Variants in STAC observed in about 807,000 individuals in gnomAD.
The protein encoded by STAC is SH3 and cysteine rich domain.
A neutral mutation model predicts 48.8 loss-of-function variants in STAC; 43 were observed. The ratio of observed to expected loss-of-function variants is 0.88; its 90% CI spans 0.69 to 1.14. STAC has a LOEUF of 1.14. STAC is among the 50% of genes most tolerant of loss of function. The pLI is 0.00. For missense variants in STAC, 497 were observed against 504.0 expected (o/e 0.99, Z 0.13); for synonymous variants, 193 against 179.5 (o/e 1.07, Z -0.60).
chr3:36,420,658 C>G (rs1559484646), intron 1 of STAC, among the ~76,000 whole-genome samples: 1 of 152,196 alleles, frequency 6.6e-6, no homozygotes, highest in South Asian at 2.1e-4. Context: ...AACCATCCCC[C>G]CTCTACCTCA....
intron 1 of STAC, chr3:36,409,515 G>A (rs566692270): frequency 1.8e-4 from 27 of 152,158 alleles, no homozygotes; most frequent in South Asian, 4.1e-4. Flanking sequence ...TATGGATGAC[G>A]TGAACTGAGT....
chr3:36,427,135 G>A (rs1173440975), intron 1 of STAC, among the ~76,000 whole-genome samples: 1 of 152,112 alleles, frequency 6.6e-6, no homozygotes, highest in Non-Finnish European at 1.5e-5. Context: ...AAGTCCACAG[G>A]GAATTTTGCA....
At chr3:36,470,781 TC>T (rs1697311371) in intron 2 of STAC, among the ~76,000 whole-genome samples, 1 of 152,226 alleles carries the variant, frequency 6.6e-6, no homozygotes, top group Non-Finnish European at 1.5e-5. Context: ...CTTCAAAATC[TC>T]CCATTTTAAA....
Position 36,443,564 on chromosome 3 carries a change from T to C in STAC, c.312T>C (p.Gly104=). The change falls in exon 2 of 11, where the codon GGT becomes GGC. Residue 104 remains glycine, a synonymous_variant. Transcript: ENST00000273183. The surrounding 1 kb of genome is among the most constrained non-coding windows in gnomAD (Gnocchi z 4.2). ...STPARAGLHP[G]GKAHAFQEYI... ...CCGCCAGGGCTGGTCTGCATCCAGG[T>C]GGCAAGGCTCATGCCTTTCAGGAAT... The C allele has an allele frequency of 6.2e-7, 1 of 1,614,158 alleles. No homozygotes were observed. Among genetic ancestry groups the C allele is most frequent in the Non-Finnish European group, 8.5e-7 (1 of 1,180,020 alleles).
At chr3:36,470,916 G>A (rs534089953) in intron 2 of STAC, among the ~76,000 whole-genome samples, 1 of 152,156 alleles carries the variant, frequency 6.6e-6, no homozygotes, top group Non-Finnish European at 1.5e-5. Context: ...CTACTTTTAT[G>A]TTTAAAGTGA....
Position 36,443,258 on chromosome 3 carries a change from G to C in STAC, c.112-106G>C, listed in dbSNP as rs917385262. On this transcript the variant is annotated intron_variant, in intron 1 of 10. Transcript: ENST00000273183. This position sits in a 1 kb window ranked among gnomAD's most constrained non-coding sequence, Gnocchi z 4.2. Reference sequence around the variant, plus strand: ...ATTTATGAGCCTCCTCAAGACGGAGGGTGTCAGTGGGGACTGTGTAGTGCA... The same window carrying C: ...ATTTATGAGCCTCCTCAAGACGGAGCGTGTCAGTGGGGACTGTGTAGTGCA... 7.6e-7 allele frequency: 1 copy of C among 1,318,532 alleles called. No homozygotes were observed. Among genetic ancestry groups the C allele is most frequent in the Non-Finnish European group, 1.1e-6 (1 of 950,744 alleles). The allele number at this position is 1,318,532 out of a possible 1,614,324, so 81.7% of individuals were successfully genotyped here.
intron 1 of STAC, among the ~76,000 whole-genome samples, chr3:36,388,954 A>C (rs1699681596): frequency 6.6e-6 from 1 of 152,192 alleles, no homozygotes; most frequent in Non-Finnish European, 1.5e-5. Flanking sequence ...TTTTATATTT[A>C]TCTGCACTCA....
intron 1 of STAC, among the ~76,000 whole-genome samples, chr3:36,383,663 A>G (rs1228955968): frequency 6.6e-6 from 1 of 152,246 alleles, no homozygotes; most frequent in Admixed American, 6.5e-5. Flanking sequence ...AGAAGCCCAC[A>G]AATAGTCTTT....
chr3:36,464,412 G>T lies in STAC; in HGVS notation c.389-18580G>T, dbSNP rs1265633787. Among the ~76,000 whole-genome samples the T allele has an allele frequency of 6.7e-5, 10 of 149,668 alleles. No individual in the cohort carries two copies. The Admixed American group carries it at 6.8e-4, about 10-fold the overall frequency. ...TTGTTGGAGTTCATTGTAGATTCTG[G>T]ACATTAGCACTTTGTCAGATTATTT... On this transcript the variant is annotated intron_variant, in intron 2 of 10. Coordinates refer to ENST00000273183, the MANE Select transcript of STAC (RefSeq NM_003149.3).
intron 1 of STAC, among the ~76,000 whole-genome samples, chr3:36,418,614 C>T (rs952651464): frequency 7.4e-6 from 1 of 134,780 alleles, no homozygotes; most frequent in Admixed American, 7.4e-5. Flanking sequence ...TCTTAATACT[C>T]TCGATTAAAT....
At position 36,484,731 on chromosome 3, in the gene STAC, G is replaced by A. The variant is rs557663253; in HGVS notation, c.490-246G>A. ...TGCACTGCAGGAGGAGGACAGACACGACTGGGGAGGCCAGGGCCAGGACCT... is the reference window on the plus strand; with the variant it reads ...TGCACTGCAGGAGGAGGACAGACACAACTGGGGAGGCCAGGGCCAGGACCT... On this transcript the variant is annotated intron_variant, in intron 3 of 10. Transcript: ENST00000273183. Among the ~76,000 whole-genome samples, 4 of 152,216 alleles carry A rather than the reference G, an allele frequency of 2.6e-5. 1 individual carries two copies. In the South Asian group the frequency reaches 6.2e-4, roughly 24 times the overall value.
chr3:36,431,968 C>T (rs1224438898), intron 1 of STAC, among the ~76,000 whole-genome samples: 2 of 152,192 alleles, frequency 1.3e-5, no homozygotes, highest in African/African-American at 4.8e-5. Context: ...CAGGTAGCTA[C>T]TCAAAGTATT....
intron 1 of STAC, among the ~76,000 whole-genome samples, chr3:36,409,090 G>A (rs1700140824): frequency 6.6e-6 from 1 of 152,144 alleles, no homozygotes; most frequent in African/African-American, 2.4e-5. Context: ...TGAAGTCAAG[G>A]TCACAAACAT....
intron 1 of STAC, among the ~76,000 whole-genome samples, chr3:36,422,250 T>C (rs1313397866): frequency 6.6e-6 from 1 of 152,132 alleles, no homozygotes; most frequent in Non-Finnish European, 1.5e-5. Context: ...GATCTTACTT[T>C]CCAGGTCTAG....
At chr3:36,463,735 A>G (rs1243462552) in intron 2 of STAC, among the ~76,000 whole-genome samples, 2 of 137,782 alleles carry the variant, frequency 1.5e-5, no homozygotes, top group African/African-American at 5.5e-5. Context: ...TCATTGTTCA[A>G]TTCCCACCTA....
chr3:36,491,484 C>A (rs1246814700), intron 5 of STAC, among the ~76,000 whole-genome samples: 1 of 152,052 alleles, frequency 6.6e-6, no homozygotes, highest in Non-Finnish European at 1.5e-5. Flanking sequence ...AACTTCTGTA[C>A]AGAAATTGTG....
At chr3:36,409,993 T>G (rs906011891) in intron 1 of STAC, among the ~76,000 whole-genome samples, 1 of 152,134 alleles carries the variant, frequency 6.6e-6, no homozygotes, top group Non-Finnish European at 1.5e-5. Flanking sequence ...AAGCCAAAGA[T>G]CATCTGGAGT....
At chr3:36,393,419 G>A (rs772696178) in intron 1 of STAC, among the ~76,000 whole-genome samples, 128 of 152,074 alleles carry the variant, frequency 8.4e-4, no homozygotes, top group Non-Finnish European at 1.4e-3. Context: ...TAAAAAAAAT[G>A]CATAACATTA....
intron 8 of STAC, among the ~76,000 whole-genome samples, chr3:36,518,584 G>A (rs375340540): frequency 2.0e-5 from 3 of 152,064 alleles, no homozygotes; most frequent in South Asian, 2.1e-4. Flanking sequence ...CTTTTGTAAC[G>A]CCAAGTGCAA....
Sources: allele counts gnomAD v4.1 joint callset (sites outside exome capture counted in the v4.1 genomes callset), GRCh38; gene constraint gnomAD v4.1.1; non-coding constraint Gnocchi (gnomAD v3.1); transcripts MANE v1.5; gene names NCBI Gene and HGNC (gene_info 2026-07-23, HGNC 2026-07-21).